VSNL1: variants seen among roughly 807,000 people sequenced by gnomAD.
The protein encoded by VSNL1 is visinin like 1.
In VSNL1, 6 loss-of-function variants were observed where a neutral mutation model predicts 20.4. That is an observed-to-expected ratio of 0.29 (90% CI 0.16 to 0.58). The LOEUF (loss-of-function observed/expected upper bound fraction) is 0.58, where lower values mean the gene tolerates loss of function less well. Ranked by LOEUF, VSNL1 falls within the 20% of genes least tolerant of loss-of-function variation. The pLI is 0.90. For missense variants in VSNL1, 100 were observed against 234.5 expected, an observed-to-expected ratio of 0.43 and a Z score of 3.75; for synonymous variants, 93 against 86.4, an observed-to-expected ratio of 1.08 and a Z score of -0.42.
chr2:17,622,532 A>AAAAGAAAGAAAGAAAGAAAG lies in VSNL1; in HGVS notation c.163-26826_163-26807dup, dbSNP rs201871488. Among the ~76,000 whole-genome samples the AAAAGAAAGAAAGAAAGAAAG allele has an allele frequency of 7.1e-4, 70 of 98,706 alleles. 1 individual carries two copies. Among genetic ancestry groups the AAAAGAAAGAAAGAAAGAAAG allele is most frequent in the Middle Eastern group, 4.8e-3 (1 of 208 alleles). 64.8% of individuals were successfully genotyped at this position (98,706 alleles called of 152,430 possible). A position where few individuals can be genotyped will look rare whatever the true frequency, so the allele number is the denominator to read the frequency against. ...AAAGAAAGAAAGAAAAGAAAGAAAG[A>AAAAGAAAGAAAGAAAGAAAG]AAAGAAAGAAAGAAAGAAAGAAAGA... is the stretch of plus-strand genomic sequence containing the variant. On this transcript the variant is annotated intron_variant, in intron 2 of 3. Coordinates refer to ENST00000295156, the MANE Select transcript of VSNL1 (RefSeq NM_003385.5).
At chr2:17,630,370 GGCAGTTCACACT>G (rs918343693) in intron 2 of VSNL1, among the ~76,000 whole-genome samples, 3 of 152,194 alleles carry the variant, frequency 2.0e-5, no homozygotes, top group Non-Finnish European at 4.4e-5. Context: ...AAAGGGAGGT[GGCAGTTCACACT>G]GCAGAAGCCT....
At chr2:17,564,237 A>G (rs959372943) in intron 1 of VSNL1, among the ~76,000 whole-genome samples, 2 of 152,140 alleles carry the variant, frequency 1.3e-5, no homozygotes, top group African/African-American at 2.4e-5. Flanking sequence ...AAGTTTTTCT[A>G]TGTGGTCTGG....
intron 1 of VSNL1, among the ~76,000 whole-genome samples, chr2:17,564,012 T>G (rs1663877856): frequency 6.6e-6 from 1 of 152,196 alleles, no homozygotes; most frequent in South Asian, 2.1e-4. Context: ...ACACCTTTCT[T>G]TGTCTCTTTC....
intron 2 of VSNL1, among the ~76,000 whole-genome samples, chr2:17,595,234 G>A (rs146263795): frequency 6.6e-6 from 1 of 152,350 alleles, no homozygotes; most frequent in East Asian, 1.9e-4. Context: ...GTGTGGGTAA[G>A]CATTTCTTGC....
At chr2:17,580,046 TCA>T (rs1462371710) in intron 1 of VSNL1, among the ~76,000 whole-genome samples, 4 of 152,172 alleles carry the variant, frequency 2.6e-5, no homozygotes, top group African/African-American at 9.7e-5. Flanking sequence ...TCTCTGAGGC[TCA>T]GTTTTGTCTT....
intron 3 of VSNL1, among the ~76,000 whole-genome samples, chr2:17,651,336 G>A (rs370721207): frequency 6.6e-6 from 1 of 152,204 alleles, no homozygotes; most frequent in Non-Finnish European, 1.5e-5. Flanking sequence ...GACTTTGGGA[G>A]GGTGATTTGG....
intron 2 of VSNL1, 43 bp downstream of exon 2, chr2:17,592,279 A>G: frequency 6.3e-7 from 1 of 1,586,988 alleles, no homozygotes; most frequent in Non-Finnish European, 8.6e-7. Context: ...TAGGCCAGAA[A>G]CTATGGCCTT....
chr2:17,634,276 T>TCTG lies in VSNL1; in HGVS notation c.163-15126_163-15124dup, dbSNP rs1157043721. On this transcript the variant is annotated intron_variant, in intron 2 of 3. Transcript: ENST00000295156. The surrounding 1 kb of genome is among the most constrained non-coding windows in gnomAD (Gnocchi z 4.3). ...AAGGACCCCACACTTGGCTTACTGC[T>TCTG]CTGCTGCTGCCATCTTGATTCTTAA... Among the ~76,000 whole-genome samples the TCTG allele has an allele frequency of 6.6e-6, 1 of 152,188 alleles. No homozygotes were observed. Among genetic ancestry groups the TCTG allele is most frequent in the Non-Finnish European group, 1.5e-5 (1 of 68,024 alleles).
chr2:17,543,645 AGTT>A (rs1015030975), intron 1 of VSNL1, among the ~76,000 whole-genome samples: 16 of 152,344 alleles, frequency 1.1e-4, no homozygotes, highest in African/African-American at 3.8e-4. Flanking sequence ...TTTAACCTGA[AGTT>A]GTGCTATAGA....
At chr2:17,628,387 C>T (rs1665557399) in intron 2 of VSNL1, among the ~76,000 whole-genome samples, 1 of 151,558 alleles carries the variant, frequency 6.6e-6, no homozygotes, top group Non-Finnish European at 1.5e-5. Context: ...GATAAAAGCT[C>T]AGGACCTAAT....
At chr2:17,550,684 A>G (rs1174855717) in intron 1 of VSNL1, among the ~76,000 whole-genome samples, 2 of 152,218 alleles carry the variant, frequency 1.3e-5, no homozygotes, top group African/African-American at 4.8e-5. Context: ...AGGAGAAACT[A>G]AAGAGACCCA....
chr2:17,610,701 G>A (rs1665063532), intron 2 of VSNL1, among the ~76,000 whole-genome samples: 1 of 152,164 alleles, frequency 6.6e-6, no homozygotes, highest in African/African-American at 2.4e-5. Context: ...CAGCCCTGTT[G>A]AGGACAGAGA....
At chr2:17,647,451 C>T (rs1447936744) in intron 2 of VSNL1, among the ~76,000 whole-genome samples, 1 of 152,206 alleles carries the variant, frequency 6.6e-6, no homozygotes, top group South Asian at 2.1e-4. Context: ...CAGATGAACA[C>T]ATCAGCCAAA....
chr2:17,649,558 C>G lies in VSNL1; in HGVS notation c.311C>G (p.Ala104Gly). ...AGCTTTGAGCAGAAGCTGAACTGGG[C>G]CTTCAATATGTATGACCTGGATGGT... ...RGSFEQKLNW[A>G]FNMYDLDGDG... The change falls in exon 3 of 4, where the codon GCC (alanine) becomes GGC (glycine). Residue 104 changes from alanine to glycine, a missense_variant. Physicochemically the swap from Ala to Gly is moderately conservative, Grantham distance 60. Transcript: ENST00000295156. This position sits in a 1 kb window ranked among gnomAD's most constrained non-coding sequence, Gnocchi z 6.4. 1 of 1,614,172 alleles carries G rather than the reference C, an allele frequency of 6.2e-7. No homozygotes were observed. Among genetic ancestry groups the G allele is most frequent in the Non-Finnish European group, 8.5e-7 (1 of 1,180,036 alleles).
intron 2 of VSNL1, among the ~76,000 whole-genome samples, chr2:17,614,784 A>T (rs1006184098): frequency 1.3e-5 from 2 of 152,180 alleles, no homozygotes; most frequent in African/African-American, 4.8e-5. Context: ...ATGCAAAACC[A>T]CTCATGGATG....
intron 2 of VSNL1, among the ~76,000 whole-genome samples, chr2:17,647,634 T>C (rs1353531656): frequency 6.6e-6 from 1 of 152,186 alleles, no homozygotes; most frequent in Non-Finnish European, 1.5e-5. Flanking sequence ...GCTGGGGTCA[T>C]GCTGAGCTGT....
In VSNL1 at chr2:17,627,174, T is replaced by A. The variant is rs559866919; in HGVS notation, c.163-22236T>A. On this transcript the variant is annotated intron_variant, in intron 2 of 3. Coordinates refer to ENST00000295156, the MANE Select transcript of VSNL1 (RefSeq NM_003385.5). ...CCTCAGGGCCCTGGAGGAGGTAAGA[T>A]AAGCAACCCTCAAACAATCCTAGTT... is the stretch of plus-strand genomic sequence containing the variant. 4.6e-5 allele frequency among the ~76,000 whole-genome samples: 7 copies of A among 152,294 alleles called. No homozygotes were observed. The East Asian group carries it at 1.3e-3, about 29-fold the overall frequency.
At chr2:17,641,030 T>TC (rs772519120) in intron 2 of VSNL1, among the ~76,000 whole-genome samples, 16 of 152,196 alleles carry the variant, frequency 1.1e-4, no homozygotes, top group Non-Finnish European at 1.8e-4. Flanking sequence ...CTATAATAGC[T>TC]CTCTCCCCAC....
At chr2:17,633,397 T>C (rs947687800) in intron 2 of VSNL1, among the ~76,000 whole-genome samples, 1 of 141,864 alleles carries the variant, frequency 7.0e-6, no homozygotes, top group Non-Finnish European at 1.5e-5. Context: ...TGAGTGCCTG[T>C]AATCCTAGCT....
Sources: gnomAD v4.1 joint callset for allele counts (sites outside exome capture counted in the v4.1 genomes callset) on GRCh38, gnomAD v4.1.1 for gene constraint, Gnocchi (gnomAD v3.1) non-coding constraint, MANE v1.5 for transcripts, NCBI Gene and HGNC (gene_info 2026-07-23, HGNC 2026-07-21) for gene names.